The following NSUN7 variants were observed in gnomAD, a reference collection of about 807,000 sequenced individuals.
The protein encoded by NSUN7 is protein NSUN7.
A neutral mutation model predicts 58.5 loss-of-function variants in NSUN7; 39 were observed. The ratio of observed to expected loss-of-function variants is 0.67; its 90% CI spans 0.52 to 0.87. The LOEUF (loss-of-function observed/expected upper bound fraction) is 0.87, where lower values mean the gene tolerates loss of function less well. Among genes scored for constraint, NSUN7 ranks in the 40% least tolerant of loss-of-function variants. The pLI, the probability that NSUN7 is intolerant of heterozygous loss-of-function variation, is 0.00. For synonymous variants in NSUN7, 278 were observed against 303.7 expected, an observed-to-expected ratio of 0.92 and a Z score of 0.88; for missense variants, 765 against 844.1, an observed-to-expected ratio of 0.91 and a Z score of 1.16.
rs1483137531 is a variant in NSUN7, at chr4:40,810,653, G to C, written c.*1714G>C. On this transcript the variant is annotated 3_prime_UTR_variant, in exon 12 of 12. Coordinates refer to ENST00000381782, the MANE Select transcript of NSUN7 (RefSeq NM_024677.6). ...TTTTTATAGTTGAACCAGGCTTATT[G>C]TATTTTAAATCCCTGAAGAAGAATT... 2 of 149,350 alleles carry C rather than the reference G, an allele frequency of 1.3e-5. No individual in the cohort carries two copies. Among genetic ancestry groups the C allele is most frequent in the Non-Finnish European group, 3.0e-5 (2 of 67,454 alleles). 9.3% of individuals were successfully genotyped at this position (149,350 alleles called of 1,614,324 possible).
chr4:40,790,007 A>G (rs1348471477), intron 7 of NSUN7, among the ~76,000 whole-genome samples: 2 of 150,094 alleles, frequency 1.3e-5, no homozygotes, highest in Non-Finnish European at 3.0e-5. Flanking sequence ...ACCAGTTTGT[A>G]TGGATTCTGT....
intron 9 of NSUN7, 95 bp from the exon 10 acceptor site, chr4:40,798,692 T>G: frequency 1.7e-6 from 1 of 593,580 alleles, no homozygotes; most frequent in Non-Finnish European, 2.9e-6. Context: ...CAAAACCATG[T>G]GGTATTAGTA....
chr4:40,769,082 C>T (rs933549021), intron 4 of NSUN7, among the ~76,000 whole-genome samples: 4 of 152,168 alleles, frequency 2.6e-5, no homozygotes, highest in African/African-American at 9.7e-5. Context: ...GTGTCTAATG[C>T]ATCAAGTCCT....
rs75891120 is a variant in NSUN7 at position 40,790,908 on chromosome 4, A to C, written c.1180+163A>C. On this transcript the variant is annotated intron_variant, in intron 8 of 11. Coordinates refer to ENST00000381782, the MANE Select transcript of NSUN7 (RefSeq NM_024677.6). ...TAAAGTCCTTTACCTCTGTTACCTCATTTAATCCTTACACCAATCCAATAG... is the reference window on the plus strand; with the variant it reads ...TAAAGTCCTTTACCTCTGTTACCTCCTTTAATCCTTACACCAATCCAATAG... 4.6e-5 allele frequency among the ~76,000 whole-genome samples: 7 copies of C among 152,344 alleles called. No homozygotes were observed. In the East Asian group the frequency reaches 1.2e-3, roughly 25 times the overall value.
At chr4:40,802,280 C>A (rs1743619623) in intron 10 of NSUN7, among the ~76,000 whole-genome samples, 2 of 152,126 alleles carry the variant, frequency 1.3e-5, no homozygotes, top group Admixed American at 1.3e-4. Context: ...TCTTTCTATA[C>A]TAATATGACA....
At chr4:40,803,795 C>G (rs1199761577) in intron 10 of NSUN7, among the ~76,000 whole-genome samples, 1 of 152,172 alleles carries the variant, frequency 6.6e-6, no homozygotes, top group African/African-American at 2.4e-5. Flanking sequence ...CCAGTTCTCC[C>G]AGCAACACTT....
intron 7 of NSUN7, among the ~76,000 whole-genome samples, chr4:40,788,735 C>A (rs530620207): frequency 1.3e-5 from 2 of 152,152 alleles, no homozygotes; most frequent in Non-Finnish European, 2.9e-5. Context: ...GGTAACCGTG[C>A]CCTCTTCTCA....
At position 40,810,357 on chromosome 4, in the gene NSUN7, C is replaced by T. The variant is rs1744166357; in HGVS notation, c.*1418C>T. ...GGCTGAGGTGGGCACGCCACTTGAG[C>T]ACCGGAGTTCCAGACGAGCCTGGAC... On this transcript the variant is annotated 3_prime_UTR_variant, in exon 12 of 12. Transcript: ENST00000381782. The T allele has an allele frequency of 6.6e-6, 1 of 152,088 alleles. No homozygotes were observed. Among genetic ancestry groups the T allele is most frequent in the African/African-American group, 2.4e-5 (1 of 41,474 alleles). The allele number at this position is 152,088 out of a possible 1,614,324, so 9.4% of individuals were successfully genotyped here.
chr4:40,767,503 C>T (rs1036233056), intron 4 of NSUN7, among the ~76,000 whole-genome samples: 2 of 152,104 alleles, frequency 1.3e-5, no homozygotes, highest in Non-Finnish European at 2.9e-5. Flanking sequence ...TTACTTCCAA[C>T]TATGTGGTCA....
intron 2 of NSUN7, among the ~76,000 whole-genome samples, chr4:40,756,088 GAA>G (rs112448481): frequency 6.9e-6 from 1 of 145,654 alleles, no homozygotes; most frequent in Admixed American, 6.8e-5. Flanking sequence ...AGGACCCCAG[GAA>G]AAAAAAAAAG....
chr4:40,771,220 A>G (rs1047959427), intron 4 of NSUN7, among the ~76,000 whole-genome samples: 4 of 151,980 alleles, frequency 2.6e-5, no homozygotes, highest in African/African-American at 9.7e-5. Flanking sequence ...AGAGCCTGTG[A>G]CTCCAAAATC....
intron 7 of NSUN7, among the ~76,000 whole-genome samples, chr4:40,779,936 T>G (rs896998296): frequency 1.4e-4 from 21 of 151,970 alleles, no homozygotes; most frequent in Admixed American, 7.9e-4. Flanking sequence ...TAATGAATAG[T>G]TAAGGGGGAG....
chr4:40,750,444 CT>C (rs145071809), intron 1 of NSUN7, 144 bp downstream of exon 1: 54,963 of 270,004 alleles, frequency 0.2, 4,271 homozygotes, highest in African/African-American at 0.36. Context: ...CCCCTCCTCG[CT>C]TTTTTTTTTT....
Position 40,776,077 on chromosome 4 carries a change from C to G in NSUN7, c.854C>G (p.Ser285Cys), listed in dbSNP as rs1165949676. ...QDKSRSLAVH[S>C]VKALLNMDDD... ...AAATCTCGAAGTCTTGCTGTCCATT[C>G]TGTAAAGGCTTTATTAAATATGGAT... The change falls in exon 7 of 12, where the codon TCT becomes TGT. Residue 285 changes from serine (S) to cysteine (C), a missense_variant. Physicochemically the swap from Ser to Cys is moderately radical, Grantham distance 112. Transcript: ENST00000381782. The G allele has an allele frequency of 6.2e-7, 1 of 1,606,924 alleles. No homozygotes were observed. Among genetic ancestry groups the G allele is most frequent in the East Asian group, 2.2e-5 (1 of 44,720 alleles).
At chr4:40,764,224 C>G (rs1175366367) in intron 4 of NSUN7, among the ~76,000 whole-genome samples, 1 of 109,140 alleles carries the variant, frequency 9.2e-6, no homozygotes, top group East Asian at 3.9e-4. Context: ...CTATCCCTCC[C>G]CCCTCCCCCC....
At chr4:40,792,706 C>T (rs866042562) in intron 8 of NSUN7, among the ~76,000 whole-genome samples, 54 of 151,956 alleles carry the variant, frequency 3.6e-4, no homozygotes, top group African/African-American at 1.1e-3. Context: ...GAGCCGAGAT[C>T]GCGCCACTGC....
chr4:40,780,803 ATATATATATATTTTTTTTTTT>A (rs1742512602), intron 7 of NSUN7, among the ~76,000 whole-genome samples: 3 of 105,828 alleles, frequency 2.8e-5, no homozygotes, highest in African/African-American at 1.1e-4. Flanking sequence ...ATATATATAT[ATATATATATATTTTTTTTTTT>A]TTTTTTTTTT....
intron 7 of NSUN7, among the ~76,000 whole-genome samples, chr4:40,777,483 G>A (rs755841161): frequency 1.9e-4 from 29 of 152,092 alleles, no homozygotes; most frequent in Non-Finnish European, 3.1e-4. Context: ...ACAGGTACTC[G>A]CCAACATGCC....
At chr4:40,764,511 G>A (rs1340398284) in intron 4 of NSUN7, among the ~76,000 whole-genome samples, 3 of 151,610 alleles carry the variant, frequency 2.0e-5, no homozygotes, top group Admixed American at 2.0e-4. Flanking sequence ...CCAAGTCTTT[G>A]CTATTGTGAA....
Sources: gnomAD v4.1 joint callset for allele counts (sites outside exome capture counted in the v4.1 genomes callset) on GRCh38, gnomAD v4.1.1 for gene constraint, MANE v1.5 for transcripts, NCBI Gene and HGNC (gene_info 2026-07-23, HGNC 2026-07-21) for gene names.